The following LARGE1 variants were observed in gnomAD, a reference collection of about 807,000 sequenced individuals.
LARGE1 encodes the protein xylosyl- and glucuronyltransferase LARGE1.
In LARGE1, 43 loss-of-function variants were observed where a neutral mutation model predicts 87.6. The observed-to-expected ratio is 0.49, with a 90% confidence interval of 0.38 to 0.63. LARGE1 has a LOEUF of 0.63. Ranked by LOEUF, LARGE1 falls within the 30% of genes least tolerant of loss-of-function variation. The pLI, the probability that LARGE1 is intolerant of heterozygous loss-of-function variation, is 0.00. For synonymous variants in LARGE1, 434 were observed against 394.6 expected, an observed-to-expected ratio of 1.10 and a Z score of -1.18; for missense variants, 802 against 1,000.2, an observed-to-expected ratio of 0.80 and a Z score of 2.67.
intron 2 of LARGE1, among the ~76,000 whole-genome samples, chr22:33,688,645 C>T (rs1384380421): frequency 3.3e-5 from 5 of 152,052 alleles, no homozygotes; most frequent in Non-Finnish European, 7.4e-5. Flanking sequence ...GCCACCGCAC[C>T]CGGCCCTGCA....
chr22:33,239,403 G>A (rs1926397947), intron 11 of LARGE1, among the ~76,000 whole-genome samples: 1 of 152,110 alleles, frequency 6.6e-6, no homozygotes. Flanking sequence ...AACCAAACGG[G>A]TGTGAAATGG....
At chr22:33,296,467 T>TAA (rs2146049414) in intron 12 of LARGE1, among the ~76,000 whole-genome samples, 1 of 152,200 alleles carries the variant, frequency 6.6e-6, no homozygotes, top group East Asian at 1.9e-4. Context: ...ACGATGAAGA[T>TAA]AAAATGGGCC....
chr22:33,504,894 T>C (rs974754729), intron 6 of LARGE1, among the ~76,000 whole-genome samples: 2 of 152,332 alleles, frequency 1.3e-5, no homozygotes, highest in African/African-American at 4.8e-5. Context: ...CAACTAATCA[T>C]ATTCGCAGGC....
At chr22:33,674,605 C>T (rs2081510358) in intron 2 of LARGE1, among the ~76,000 whole-genome samples, 1 of 152,190 alleles carries the variant, frequency 6.6e-6, no homozygotes, top group African/African-American at 2.4e-5. Context: ...GTATGGCAAA[C>T]TGTCTCATCC....
At chr22:33,351,513 G>C (rs1156560232) in intron 9 of LARGE1, among the ~76,000 whole-genome samples, 1 of 151,972 alleles carries the variant, frequency 6.6e-6, no homozygotes, top group Non-Finnish European at 1.5e-5. Context: ...TTAAAGAAGA[G>C]TCCTGCATTA....
At chr22:33,415,628 G>A (rs1365958916) in intron 7 of LARGE1, among the ~76,000 whole-genome samples, 1 of 152,158 alleles carries the variant, frequency 6.6e-6, no homozygotes, top group Non-Finnish European at 1.5e-5. Context: ...CATAGGAGGG[G>A]GCTCTCGCTT....
At chr22:33,483,977 C>T (rs2069451998) in intron 6 of LARGE1, among the ~76,000 whole-genome samples, 1 of 152,160 alleles carries the variant, frequency 6.6e-6, no homozygotes, top group Admixed American at 6.5e-5. Context: ...GAAGTTTAGA[C>T]TTTCTGGGAA....
intron 2 of LARGE1, among the ~76,000 whole-genome samples, chr22:33,745,788 A>G (rs1422070121): frequency 6.6e-6 from 1 of 152,054 alleles, no homozygotes; most frequent in East Asian, 1.9e-4. Context: ...GATAAAAGAC[A>G]CAACCGAGCC....
In LARGE1 at chr22:33,274,479, C is replaced by T. The variant is rs1416131384; in HGVS notation, c.2219G>A (p.Arg740His). The change falls in exon 15 of 15, where the codon CGC becomes CAC. Residue 740 changes from arginine (R) to histidine (H), a missense_variant. Coordinates refer to ENST00000397394, the MANE Select transcript of LARGE1 (RefSeq NM_133642.5). ...LKEEFQQDMS[R>H]RYGFAALKYL... is the part of the protein sequence containing the mutation. Reference sequence around the variant, plus strand: ...TTTCAGGGCAGCAAAGCCGTAGCGGCGGGACATGTCCTGCTGAAACTCTTC... The same window carrying T: ...TTTCAGGGCAGCAAAGCCGTAGCGGTGGGACATGTCCTGCTGAAACTCTTC... 1 of 1,614,114 alleles carries T rather than the reference C, an allele frequency of 6.2e-7. No homozygotes were observed. Among genetic ancestry groups the T allele is most frequent in the Non-Finnish European group, 8.5e-7 (1 of 1,180,022 alleles).
intron 9 of LARGE1, among the ~76,000 whole-genome samples, chr22:33,356,037 C>T (rs1458766391): frequency 4.1e-5 from 1 of 24,456 alleles, no homozygotes; most frequent in Non-Finnish European, 1.2e-4. Context: ...CCCCATCCTC[C>T]TCCCCAGTTC....
chr22:33,501,803 A>G (rs1280300585), intron 6 of LARGE1, among the ~76,000 whole-genome samples: 1 of 152,294 alleles, frequency 6.6e-6, no homozygotes, highest in South Asian at 2.1e-4. Context: ...AGTGGGTGAC[A>G]TGGACGTTAG....
chr22:33,620,489 G>C (rs1309258600), intron 4 of LARGE1, among the ~76,000 whole-genome samples: 1 of 152,122 alleles, frequency 6.6e-6, no homozygotes, highest in Non-Finnish European at 1.5e-5. Flanking sequence ...ATACAGACGT[G>C]TATTGTGCTA....
intron 2 of LARGE1, chr22:33,657,337 G>A (rs2080993576): frequency 6.6e-6 from 1 of 152,120 alleles, no homozygotes; most frequent in Non-Finnish European, 1.5e-5. Context: ...CTTTCTTCCT[G>A]ATGTTTGAAG....
At chr22:33,821,747 G>T (rs1038031004) in intron 1 of LARGE1, among the ~76,000 whole-genome samples, 1 of 152,092 alleles carries the variant, frequency 6.6e-6, no homozygotes, top group Non-Finnish European at 1.5e-5. Context: ...ACATACATGT[G>T]TGTATATGCT....
At chr22:33,162,520 A>G (rs1922066883) in exon 12 of LARGE1, 1 of 152,222 alleles carries the variant, frequency 6.6e-6, no homozygotes, top group African/African-American at 2.4e-5. Flanking sequence ...GGGTGAGAAC[A>G]TAGCCAAACT....
At chr22:33,185,763 T>C (rs73881979) in intron 11 of LARGE1, among the ~76,000 whole-genome samples, 3 of 152,108 alleles carry the variant, frequency 2.0e-5, no homozygotes, top group African/African-American at 7.2e-5. Context: ...GTCTGTTCTT[T>C]GAAGAAATTC....
chr22:33,837,257 T>TACACACACACACACACACAC (rs3072340), intron 1 of LARGE1, among the ~76,000 whole-genome samples: 3 of 149,756 alleles, frequency 2.0e-5, no homozygotes, highest in Admixed American at 6.6e-5. Flanking sequence ...GTATTACATA[T>TACACACACACACACACACAC]ACACACACAC....
At chr22:33,785,835 G>C (rs1054620988) in intron 1 of LARGE1, among the ~76,000 whole-genome samples, 2 of 152,062 alleles carry the variant, frequency 1.3e-5, no homozygotes, top group South Asian at 2.1e-4. Context: ...ATTCCAAGCT[G>C]TCAAGAGAGA....
At chr22:33,427,687 T>G (rs2066927111) in intron 7 of LARGE1, among the ~76,000 whole-genome samples, 1 of 152,218 alleles carries the variant, frequency 6.6e-6, no homozygotes, top group African/African-American at 2.4e-5. Flanking sequence ...GGGCTATGGT[T>G]AGGGGGATAA....
Sources: allele counts gnomAD v4.1 joint callset (sites outside exome capture counted in the v4.1 genomes callset), GRCh38; gene constraint gnomAD v4.1.1; transcripts MANE v1.5; gene names NCBI Gene and HGNC (gene_info 2026-07-23, HGNC 2026-07-21).